The following DENND1A variants were observed in gnomAD, a reference collection of about 807,000 sequenced individuals.
The protein encoded by DENND1A is DENN domain containing 1A, also known as DENN domain-containing protein 1A.
In DENND1A, 51 loss-of-function variants were observed where a neutral mutation model predicts 113.7. The observed-to-expected ratio is 0.45, with a 90% CI of 0.36 to 0.57. The LOEUF is 0.57. Ranked by LOEUF, DENND1A falls within the 20% of genes least tolerant of loss-of-function variation. The pLI, the probability that DENND1A is intolerant of heterozygous loss-of-function variation, is 0.00. For missense variants in DENND1A, 1,258 were observed against 1,395.9 expected (o/e 0.90, Z 1.57); for synonymous variants, 565 against 570.8 (o/e 0.99, Z 0.14).
chr9:123,538,855 T>TGC (rs1554864505), intron 13 of DENND1A, among the ~76,000 whole-genome samples: 1 of 101,288 alleles, frequency 9.9e-6, no homozygotes, highest in Non-Finnish European at 2.0e-5. Flanking sequence ...TATATATATA[T>TGC]ATATGAATTC....
At chr9:123,801,553 T>C (rs756299621) in intron 2 of DENND1A, among the ~76,000 whole-genome samples, 1 of 152,248 alleles carries the variant, frequency 6.6e-6, no homozygotes, top group Non-Finnish European at 1.5e-5. Context: ...TTTCCACCTT[T>C]TGGCTATTGT....
chr9:123,487,245 C>T (rs1210034267), intron 13 of DENND1A, among the ~76,000 whole-genome samples: 2 of 152,200 alleles, frequency 1.3e-5, no homozygotes, highest in Middle Eastern at 3.2e-3. Context: ...GAAATTCTCC[C>T]TCCTATCCTC....
intron 5 of DENND1A, among the ~76,000 whole-genome samples, chr9:123,756,140 G>A (rs1174655456): frequency 6.6e-6 from 1 of 152,114 alleles, no homozygotes; most frequent in Non-Finnish European, 1.5e-5. Flanking sequence ...TCAAACTCCT[G>A]ACCACAGGTG....
chr9:123,602,838 TTTG>T (rs948883222), intron 11 of DENND1A, among the ~76,000 whole-genome samples: 5 of 152,136 alleles, frequency 3.3e-5, no homozygotes, highest in Admixed American at 1.3e-4. Context: ...CCTGGCTAGT[TTTG>T]TTGTTGTTGT....
chr9:123,570,968 T>C (rs951303794), intron 12 of DENND1A, among the ~76,000 whole-genome samples: 5 of 152,166 alleles, frequency 3.3e-5, no homozygotes, highest in Admixed American at 2.6e-4. Flanking sequence ...GCCATATTTT[T>C]CCTCCAAAAT....
At chr9:123,724,320 T>C (rs2067542163) in intron 5 of DENND1A, among the ~76,000 whole-genome samples, 1 of 152,074 alleles carries the variant, frequency 6.6e-6, no homozygotes, top group Non-Finnish European at 1.5e-5. Context: ...AAACCACACA[T>C]ACCTAAATTT....
chr9:123,800,355 A>G (rs1834435617), intron 2 of DENND1A, among the ~76,000 whole-genome samples: 2 of 152,234 alleles, frequency 1.3e-5, no homozygotes, highest in East Asian at 1.9e-4. Flanking sequence ...TCTTAGGTAT[A>G]CCATTGCCAT....
chr9:123,445,125 G>A (rs907837583), intron 18 of DENND1A, among the ~76,000 whole-genome samples: 2 of 152,206 alleles, frequency 1.3e-5, no homozygotes, highest in African/African-American at 4.8e-5. Flanking sequence ...CCTCTGAGAA[G>A]AAGGCAGGCA....
chr9:123,469,627 C>T (rs939976849), intron 13 of DENND1A, among the ~76,000 whole-genome samples: 2 of 152,228 alleles, frequency 1.3e-5, no homozygotes, highest in African/African-American at 4.8e-5. Flanking sequence ...GGTATTCATG[C>T]ATACTAGCGT....
At chr9:123,579,744 C>T (rs2058797805) in intron 12 of DENND1A, among the ~76,000 whole-genome samples, 1 of 152,096 alleles carries the variant, frequency 6.6e-6, no homozygotes. Flanking sequence ...GGTCCTATGC[C>T]AAATGCAGGG....
At chr9:123,608,648 T>G (rs2060277737) in intron 11 of DENND1A, among the ~76,000 whole-genome samples, 2 of 152,216 alleles carry the variant, frequency 1.3e-5, no homozygotes, top group South Asian at 4.1e-4. Context: ...GATGCATAGC[T>G]TTGACCAAGC....
intron 2 of DENND1A, among the ~76,000 whole-genome samples, chr9:123,869,096 T>C (rs1846167663): frequency 6.6e-6 from 1 of 152,242 alleles, no homozygotes; most frequent in Non-Finnish European, 1.5e-5. Flanking sequence ...TACATACATA[T>C]GCATTATATA....
chr9:123,559,115 C>T (rs933669613), intron 12 of DENND1A, among the ~76,000 whole-genome samples: 3 of 152,182 alleles, frequency 2.0e-5, no homozygotes, highest in East Asian at 1.9e-4. Flanking sequence ...GTGAGCACCG[C>T]GTGCTAAGTA....
chr9:123,788,491 C>T (rs1008393329), intron 3 of DENND1A, among the ~76,000 whole-genome samples: 3 of 152,070 alleles, frequency 2.0e-5, no homozygotes, highest in Non-Finnish European at 4.4e-5. Flanking sequence ...GAACTAATCA[C>T]AATAAGTAAA....
rs147240578 is a variant in DENND1A at position 123,478,767 on chromosome 9, C to T, written c.994-20870G>A. ...TCACCATAAAATTCTTTCCACTTTT[C>T]GGTATGTTTGTAAATTTTTATAATA... is the stretch of plus-strand genomic sequence containing the variant. On this transcript the variant is annotated intron_variant, in intron 13 of 23. Coordinates refer to ENST00000394215, the MANE Select transcript of DENND1A (RefSeq NM_001352964.2). Among the ~76,000 whole-genome samples, 174 of 152,254 alleles carry T rather than the reference C, an allele frequency of 1.1e-3. 1 individual carries two copies. The highest frequency in any genetic ancestry group is 3.8e-3 in the African/African-American group (159 of 41,554).
In DENND1A at chr9:123,890,188, A is replaced by C. The variant is rs113947413; in HGVS notation, c.18-11167T>G. Reference sequence around the variant, plus strand: ...GAGGCCAGGAAGTGGTAGAACTCCAACTGAACCCTGGTTTTAAGATTCCAA... The same window carrying C: ...GAGGCCAGGAAGTGGTAGAACTCCACCTGAACCCTGGTTTTAAGATTCCAA... On this transcript the variant is annotated intron_variant, in intron 1 of 23. Coordinates refer to ENST00000394215, the MANE Select transcript of DENND1A (RefSeq NM_001352964.2). Among the ~76,000 whole-genome samples, 874 of 152,278 alleles carry C rather than the reference A, an allele frequency of 5.7e-3. 10 individuals carry two copies. The highest frequency in any genetic ancestry group is 0.019 in the African/African-American group (785 of 41,562).
chr9:123,469,694 T>C (rs1459485887), intron 13 of DENND1A, among the ~76,000 whole-genome samples: 2 of 152,226 alleles, frequency 1.3e-5, no homozygotes, highest in African/African-American at 4.8e-5. Flanking sequence ...GGAAAGCAGG[T>C]GCAGTGATTA....
chr9:123,392,810 C>G (rs898181455), intron 21 of DENND1A, among the ~76,000 whole-genome samples: 4 of 152,158 alleles, frequency 2.6e-5, no homozygotes, highest in Admixed American at 6.5e-5. Context: ...TCCCTCACCC[C>G]CTTCCTACCC....
At chr9:123,613,099 A>G (rs1316117357) in intron 10 of DENND1A, among the ~76,000 whole-genome samples, 1 of 152,146 alleles carries the variant, frequency 6.6e-6, no homozygotes, top group South Asian at 2.1e-4. Context: ...ATCTCTACAC[A>G]TGGATTTCTG....
Sources: allele counts gnomAD v4.1 joint callset (sites outside exome capture counted in the v4.1 genomes callset), GRCh38; gene constraint gnomAD v4.1.1; transcripts MANE v1.5; gene names NCBI Gene and HGNC (gene_info 2026-07-23, HGNC 2026-07-21).